The following DPEP1 variants were observed in gnomAD, a reference collection of about 807,000 sequenced individuals.
The protein encoded by DPEP1 is dipeptidase 1, also known as beta-lactamase.
A neutral mutation model predicts 42.3 loss-of-function variants in DPEP1; 50 were observed. The observed-to-expected ratio is 1.18, with a 90% confidence interval of 0.94 to 1.50. The LOEUF is 1.50. DPEP1 is among the 40% of genes most tolerant of loss of function. DPEP1 has a pLI of 0.00. For missense variants in DPEP1, 663 were observed against 553.0 expected, an observed-to-expected ratio of 1.20 and a Z score of -1.99; for synonymous variants, 297 against 234.0, an observed-to-expected ratio of 1.27 and a Z score of -2.46.
At chr16:89,630,161 GC>G (rs2059565565) in intron 1 of DPEP1, 143 bp from the exon 2 acceptor site, 1 of 340,530 alleles carries the variant, frequency 2.9e-6, no homozygotes, top group South Asian at 3.8e-5. Context: ...AGACAGCAAC[GC>G]CCAGTCATTG....
rs141292604 is a variant in DPEP1, at chr16:89,623,923, C to A, written c.-106-6382C>A. Reference sequence around the variant, plus strand: ...AAAGCACGTGGCTGAGAAGTCGTGGCGCTCCGAGGAAAGAGGCAGCTCCAG... The same window carrying A: ...AAAGCACGTGGCTGAGAAGTCGTGGAGCTCCGAGGAAAGAGGCAGCTCCAG... On this transcript the variant is annotated intron_variant, in intron 1 of 10. Transcript: ENST00000690203. Among the ~76,000 whole-genome samples the A allele has an allele frequency of 4.0e-4, 61 of 152,228 alleles. 1 individual carries two copies. Among genetic ancestry groups the A allele is most frequent in the Admixed American group, 3.9e-3 (60 of 15,286 alleles).
At chr16:89,633,418 C>G (rs932172670) in intron 2 of DPEP1, among the ~76,000 whole-genome samples, 4 of 152,256 alleles carry the variant, frequency 2.6e-5, no homozygotes, top group African/African-American at 9.6e-5. Flanking sequence ...GGCACTAGCC[C>G]AGGGGAGGTC....
rs2059678901 is a variant in DPEP1 at position 89,636,352 on chromosome 16, G to A, written c.326G>A (p.Cys109Tyr). 2 of 1,612,648 alleles carry A rather than the reference G, an allele frequency of 1.2e-6. No individual in the cohort carries two copies. Among genetic ancestry groups the A allele is most frequent in the African/African-American group, 1.3e-5 (1 of 75,036 alleles). Residue 109 changes from cysteine (C) to tyrosine (Y), a missense_variant, in exon 4 of 11, where the codon TGC becomes TAC. Coordinates refer to ENST00000690203, the MANE Select transcript of DPEP1 (RefSeq NM_001389466.1). ...LEQMDVVHRM[C>Y]RMYPETFLYV... is the part of the protein sequence containing the mutation. ...CAGATGGACGTGGTCCACCGCATGT[G>A]CCGGATGTACCCGGAGACCTTCCTG...
chr16:89,613,325 G>A (rs910484973), upstream of DPEP1: 1 of 152,288 alleles, frequency 6.6e-6, no homozygotes, highest in South Asian at 2.1e-4. Context: ...CCACACATGA[G>A]GGAAAAACAC....
downstream of DPEP1, chr16:89,640,460 G>A: frequency 1.5e-6 from 1 of 669,724 alleles, no homozygotes; most frequent in Non-Finnish European, 1.8e-6. Context: ...GAGTCGAGGA[G>A]CAGGGGGCTC....
At chr16:89,615,690 G>A (rs1426582395) in intron 1 of DPEP1, among the ~76,000 whole-genome samples, 1 of 152,208 alleles carries the variant, frequency 6.6e-6, no homozygotes, top group South Asian at 2.1e-4. Flanking sequence ...AGGACCCCGC[G>A]AGGCCCCGGT....
Position 89,637,214 on chromosome 16 carries a change from A to G in DPEP1, c.602A>G (p.Lys201Arg). 1 of 1,612,188 alleles carries G rather than the reference A, an allele frequency of 6.2e-7. No individual in the cohort carries two copies. The highest frequency in any genetic ancestry group is 8.5e-7 in the Non-Finnish European group (1 of 1,179,640). The change falls in exon 7 of 11, where the codon AAG becomes AGG. Residue 201 changes from lysine (K) to arginine (R), a missense_variant. Physicochemically the swap from Lys to Arg is conservative, Grantham distance 26. Coordinates refer to ENST00000690203, the MANE Select transcript of DPEP1 (RefSeq NM_001389466.1). ...GLSPFGQRVV[K>R]ELNRLGVLID... ...GCCCTGTCTTCCCAGCGTGTGGTGAAGGAGCTGAACCGTCTGGGGGTCCTC... is the reference window on the plus strand; with the variant it reads ...GCCCTGTCTTCCCAGCGTGTGGTGAGGGAGCTGAACCGTCTGGGGGTCCTC...
At chr16:89,635,136 T>TCCCTTCCTTCTCCTTTC (rs2059656470) in intron 2 of DPEP1, among the ~76,000 whole-genome samples, 1 of 74,042 alleles carries the variant, frequency 1.4e-5, no homozygotes, top group African/African-American at 7.5e-5. Flanking sequence ...CCTTCTCCTT[T>TCCCTTCCTTCTCCTTTC]CCCTTCCTTC....
At chr16:89,633,774 A>G (rs932169558) in intron 2 of DPEP1, among the ~76,000 whole-genome samples, 37 of 152,262 alleles carry the variant, frequency 2.4e-4, no homozygotes, top group Admixed American at 2.4e-3. Flanking sequence ...CTCATGTTAC[A>G]GATGGGGAAA....
chr16:89,632,327 C>A (rs911102223), intron 2 of DPEP1, among the ~76,000 whole-genome samples: 18 of 152,066 alleles, frequency 1.2e-4, no homozygotes, highest in Admixed American at 5.2e-4. Context: ...TGCTGGGATT[C>A]CAGGCGTGAG....
chr16:89,618,647 C>A (rs2151477570), intron 1 of DPEP1, among the ~76,000 whole-genome samples: 1 of 152,208 alleles, frequency 6.6e-6, no homozygotes, highest in East Asian at 1.9e-4. Flanking sequence ...TGACTGCAGG[C>A]ACACACCAGC....
intron 1 of DPEP1, among the ~76,000 whole-genome samples, chr16:89,614,662 G>A (rs1044407874): frequency 1.3e-5 from 2 of 152,200 alleles, no homozygotes; most frequent in Non-Finnish European, 2.9e-5. Flanking sequence ...GGGCGTGGTG[G>A]CGGGCGCCTG....
chr16:89,636,419 C>G, intron 4 of DPEP1, 23 bp downstream of exon 4: 5 of 1,604,926 alleles, frequency 3.1e-6, no homozygotes, highest in Non-Finnish European at 4.3e-6. Context: ...CCTGGGTCCT[C>G]CAGGTCCTGC....
chr16:89,636,790 C>A, intron 5 of DPEP1, 76 bp from the exon 6 acceptor site: 3 of 1,602,100 alleles, frequency 1.9e-6, no homozygotes, highest in Non-Finnish European at 1.7e-6. Flanking sequence ...AGTCCCAGGC[C>A]GGGCCTCGCC....
At chr16:89,621,579 T>C (rs1302777783) in intron 1 of DPEP1, among the ~76,000 whole-genome samples, 1 of 152,130 alleles carries the variant, frequency 6.6e-6, no homozygotes, top group African/African-American at 2.4e-5. Context: ...TGTTCCCTTC[T>C]CAAGGCTTAT....
At chr16:89,628,984 G>A (rs898222922) in intron 1 of DPEP1, among the ~76,000 whole-genome samples, 2 of 151,968 alleles carry the variant, frequency 1.3e-5, no homozygotes, top group African/African-American at 4.8e-5. Flanking sequence ...GCACCACCAT[G>A]CCCAGCTAAT....
chr16:89,632,442 C>T (rs1402724084), intron 2 of DPEP1, among the ~76,000 whole-genome samples: 1 of 152,170 alleles, frequency 6.6e-6, no homozygotes. Context: ...ATCTTCAACC[C>T]AAATGGCTGT....
At chr16:89,614,713 T>A (rs565661047) in intron 1 of DPEP1, among the ~76,000 whole-genome samples, 4 of 152,294 alleles carry the variant, frequency 2.6e-5, no homozygotes, top group African/African-American at 9.6e-5. Context: ...GAGAATGGCG[T>A]GAACCCGGGA....
intron 2 of DPEP1, among the ~76,000 whole-genome samples, chr16:89,631,946 A>G (rs988747139): frequency 1.3e-5 from 2 of 152,190 alleles, no homozygotes; most frequent in African/African-American, 4.8e-5. Flanking sequence ...TGGCCATGCC[A>G]GCTTCAGCCC....
Sources: allele counts gnomAD v4.1 joint callset (sites outside exome capture counted in the v4.1 genomes callset), GRCh38; gene constraint gnomAD v4.1.1; transcripts MANE v1.5; gene names NCBI Gene and HGNC (gene_info 2026-07-23, HGNC 2026-07-21).